The following PCDHA10 variants were observed in gnomAD, a reference collection of about 807,000 sequenced individuals.
The protein encoded by PCDHA10 is protocadherin alpha 10, also known as protocadherin alpha-10.
PCDHA10 carries 45 observed loss-of-function variants against 61.2 expected under a neutral mutation model. The observed-to-expected ratio is 0.74, with a 90% CI of 0.58 to 0.94. PCDHA10 has a LOEUF of 0.94. Among genes scored for constraint, PCDHA10 ranks in the 40% least tolerant of loss-of-function variants. The probability of loss-of-function intolerance (pLI) is 0.00; values close to 1 mark genes in which losing one functional copy is unlikely to be tolerated. For synonymous variants in PCDHA10, 602 were observed against 548.8 expected (o/e 1.10, Z -1.35); for missense variants, 1,278 against 1,236.2 (o/e 1.03, Z -0.51).
intron 3 of PCDHA10, among the ~76,000 whole-genome samples, chr5:140,999,132 T>TC (rs2153955890): frequency 6.6e-6 from 1 of 152,278 alleles, no homozygotes; most frequent in African/African-American, 2.4e-5. Context: ...CTGGAAAATG[T>TC]CACAGCCGGA....
At chr5:140,960,832 G>T (rs141442734) in intron 1 of PCDHA10, among the ~76,000 whole-genome samples, 1 of 152,230 alleles carries the variant, frequency 6.6e-6, no homozygotes, top group African/African-American at 2.4e-5. Flanking sequence ...TGGAAACTTG[G>T]AACAGGTTTA....
intron 1 of PCDHA10, among the ~76,000 whole-genome samples, chr5:140,903,723 A>G (rs1361598477): frequency 6.6e-6 from 1 of 152,210 alleles, no homozygotes; most frequent in Non-Finnish European, 1.5e-5. Flanking sequence ...AATTCTCCCT[A>G]TTATCAATTA....
At chr5:140,939,593 T>C (rs1554212802) in intron 1 of PCDHA10, among the ~76,000 whole-genome samples, 1 of 152,198 alleles carries the variant, frequency 6.6e-6, no homozygotes, top group African/African-American at 2.4e-5. Flanking sequence ...TAACATACCT[T>C]GCTCAAAAAC....
rs782603246 is a variant in PCDHA10, at chr5:140,883,847, G to T, written c.2388+25411G>T. On this transcript the variant is annotated intron_variant, in intron 1 of 3. Transcript: ENST00000307360. ...CGCGCTGCAGCCGTTGGACCACGAGGAGCTGGAGCTGTTGCAGTTCCAGGT... is the reference window on the plus strand; with the variant it reads ...CGCGCTGCAGCCGTTGGACCACGAGTAGCTGGAGCTGTTGCAGTTCCAGGT... 4.3e-6 allele frequency: 7 copies of T among 1,612,760 alleles called. No individual in the cohort carries two copies. The East Asian group carries it at 1.3e-4, about 31-fold the overall frequency.
chr5:140,925,836 C>G (rs2082758211), intron 1 of PCDHA10, among the ~76,000 whole-genome samples: 1 of 152,104 alleles, frequency 6.6e-6, no homozygotes, highest in African/African-American at 2.4e-5. Context: ...GACGGGTCGT[C>G]AAGTCTTTGA....
intron 1 of PCDHA10, among the ~76,000 whole-genome samples, chr5:140,917,131 G>C (rs572644426): frequency 6.6e-6 from 1 of 152,072 alleles, no homozygotes; most frequent in Non-Finnish European, 1.5e-5. Flanking sequence ...GACTCCCCAC[G>C]TTGCTCAGCT....
At chr5:140,955,771 A>G (rs527455823) in intron 1 of PCDHA10, among the ~76,000 whole-genome samples, 1 of 152,168 alleles carries the variant, frequency 6.6e-6, no homozygotes, top group Admixed American at 6.5e-5. Context: ...GATTCTGTCT[A>G]TCCATGAGCA....
chr5:141,002,090 A>G (rs1554258504), intron 3 of PCDHA10, among the ~76,000 whole-genome samples: 1 of 152,254 alleles, frequency 6.6e-6, no homozygotes, highest in Non-Finnish European at 1.5e-5. Context: ...CGAGCAGTCC[A>G]GGGGCTGGGC....
intron 3 of PCDHA10, among the ~76,000 whole-genome samples, chr5:140,992,035 G>C (rs529236840): frequency 6.6e-6 from 1 of 151,988 alleles, no homozygotes; most frequent in South Asian, 2.1e-4. Flanking sequence ...GTGTGTGTGT[G>C]TGTGTGTGTG....
chr5:140,968,099 G>A, intron 1 of PCDHA10: 3 of 1,614,100 alleles, frequency 1.9e-6, no homozygotes, highest in South Asian at 1.1e-5. Flanking sequence ...CACAGATGGG[G>A]GAATACCGCA....
At chr5:140,931,539 T>C (rs1339633476) in intron 1 of PCDHA10, among the ~76,000 whole-genome samples, 1 of 152,056 alleles carries the variant, frequency 6.6e-6, no homozygotes, top group Non-Finnish European at 1.5e-5. Context: ...AGAGATATAC[T>C]GTTCATATGT....
intron 3 of PCDHA10, among the ~76,000 whole-genome samples, chr5:141,007,371 TG>T (rs2098319446): frequency 7.8e-6 from 1 of 128,740 alleles, no homozygotes. Context: ...GGCAACATGA[TG>T]GAACACCATC....
rs547166699 is a variant in PCDHA10 at position 140,982,068 on chromosome 5, TTAGAG to T, written c.2448-401_2448-397del. On this transcript the variant is annotated intron_variant, in intron 2 of 3. Transcript: ENST00000307360. ...AAAATATTTTAGTGTGTTTTCTTCT[TTAGAG>T]TAGAGAACCTAGGAACAAGAGAACC... 3.5e-3 allele frequency among the ~76,000 whole-genome samples: 532 copies of T among 152,340 alleles called. 2 individuals carry two copies. Among genetic ancestry groups the T allele is most frequent in the Non-Finnish European group, 5.4e-3 (369 of 68,028 alleles).
chr5:140,863,406 G>T, intron 1 of PCDHA10: 1 of 800,564 alleles, frequency 1.2e-6, no homozygotes, highest in South Asian at 1.3e-5. Flanking sequence ...GCAAGCCCAC[G>T]CTGGTGTACC....
intron 3 of PCDHA10, among the ~76,000 whole-genome samples, chr5:140,990,875 G>A: frequency 6.6e-6 from 1 of 152,198 alleles, no homozygotes; most frequent in East Asian, 1.9e-4. Flanking sequence ...TTAAGTGTAT[G>A]TTCCAGTGAG....
At chr5:140,869,609 C>T (rs1554163287) in intron 1 of PCDHA10, 1 of 1,613,972 alleles carries the variant, frequency 6.2e-7, no homozygotes, top group Non-Finnish European at 8.5e-7. Flanking sequence ...GCTCTATTGA[C>T]CTACAGGCTA....
At chr5:140,870,065 C>T (rs2051628168) in intron 1 of PCDHA10, 2 of 1,613,794 alleles carry the variant, frequency 1.2e-6, no homozygotes, top group Non-Finnish European at 1.7e-6. Flanking sequence ...GAAGTACAGG[C>T]TACAGATAAG....
Position 140,927,881 on chromosome 5 carries a change from T to C in PCDHA10, c.2389-51068T>C, listed in dbSNP as rs781982234. 10 of 1,613,978 alleles carry C rather than the reference T, an allele frequency of 6.2e-6. No homozygotes were observed. Among genetic ancestry groups the C allele is most frequent in the Non-Finnish European group, 8.5e-6 (10 of 1,180,010 alleles). Reference sequence around the variant, plus strand: ...AGCACCGCTAAACTGCTGGTGGAGGTGACTGACGTGAACGATCATGCCCCC... The same window carrying C: ...AGCACCGCTAAACTGCTGGTGGAGGCGACTGACGTGAACGATCATGCCCCC... On this transcript the variant is annotated intron_variant, in intron 1 of 3. Coordinates refer to ENST00000307360, the MANE Select transcript of PCDHA10 (RefSeq NM_018901.4).
At chr5:140,988,571 C>T (rs1438476188) in intron 3 of PCDHA10, among the ~76,000 whole-genome samples, 7 of 152,168 alleles carry the variant, frequency 4.6e-5, no homozygotes, top group Non-Finnish European at 1.0e-4. Flanking sequence ...TGGGAAAACA[C>T]TCTGTACCTT....
Sources: gnomAD v4.1 joint callset for allele counts (sites outside exome capture counted in the v4.1 genomes callset) on GRCh38, gnomAD v4.1.1 for gene constraint, MANE v1.5 for transcripts, NCBI Gene and HGNC (gene_info 2026-07-23, HGNC 2026-07-21) for gene names.